CD70: variants seen among roughly 807,000 people sequenced by gnomAD.
The protein encoded by CD70 is CD70 antigen.
In CD70, 6 loss-of-function variants were observed where a neutral mutation model predicts 9.0. The ratio of observed to expected loss-of-function variants is 0.67; its 90% CI spans 0.37 to 1.32. The LOEUF is 1.32. Among genes scored for constraint, CD70 ranks in the 40% most tolerant of loss-of-function variants. CD70 has a pLI of 0.02. For missense variants in CD70, 235 were observed against 258.7 expected (o/e 0.91, Z 0.63); for synonymous variants, 108 against 112.3 (o/e 0.96, Z 0.24).
rs1455062023 is a variant in CD70, at chr19:6,590,557, C to T, written c.162+284G>A. 6.6e-6 allele frequency among the ~76,000 whole-genome samples: 1 copy of T among 152,150 alleles called. No homozygotes were observed. Among genetic ancestry groups the T allele is most frequent in the Non-Finnish European group, 1.5e-5 (1 of 68,002 alleles). On this transcript the variant is annotated intron_variant, in intron 1 of 2. Coordinates refer to ENST00000245903, the MANE Select transcript of CD70 (RefSeq NM_001252.5). The surrounding 1 kb of genome is among the most constrained non-coding windows in gnomAD (Gnocchi z 5.3). Reference sequence around the variant, plus strand: ...ACGCCCAGCCTTGTGAAGCCCCCAGCAGCCTCTGAGTCAGCCTGCCGGGGG... The same window carrying T: ...ACGCCCAGCCTTGTGAAGCCCCCAGTAGCCTCTGAGTCAGCCTGCCGGGGG...
At chr19:6,586,770 A>G (rs1916025982) in intron 2 of CD70, among the ~76,000 whole-genome samples, 1 of 151,940 alleles carries the variant, frequency 6.6e-6, no homozygotes, top group African/African-American at 2.4e-5. Flanking sequence ...ACTGCACTCC[A>G]GCCTTGGTCA....
rs1043874809 is a variant in CD70, at chr19:6,591,061, G to T, written c.-59C>A. 1.3e-5 allele frequency: 19 copies of T among 1,516,566 alleles called. No homozygotes were observed. Among genetic ancestry groups the T allele is most frequent in the Non-Finnish European group, 1.6e-5 (18 of 1,133,946 alleles). The allele number at this position is 1,516,566 out of a possible 1,614,324, so 93.9% of individuals were successfully genotyped here. ...GGCGATGGGGGCGCGGAGCGCTGCC[G>T]AGAAGGAAGGAAGGAAACTGCAGCC... On this transcript the variant is annotated 5_prime_UTR_variant, in exon 1 of 3. Transcript: ENST00000245903.
In CD70 at chr19:6,585,928, C is replaced by A. The variant is rs1916004681; in HGVS notation, c.*92G>T. 6.2e-6 allele frequency: 6 copies of A among 965,164 alleles called. No homozygotes were observed. The highest frequency in any genetic ancestry group is 2.7e-5 in the Admixed American group (1 of 36,366). 59.8% of individuals were successfully genotyped at this position (965,164 alleles called of 1,614,324 possible). A position where few individuals can be genotyped will look rare whatever the true frequency, so the allele number is the denominator to read the frequency against. ...CCACTACCCCCCACCACACTCCCAC[C>A]CCAACCCCGGGTGGCCCCTGTGTGT... On this transcript the variant is annotated 3_prime_UTR_variant, in exon 3 of 3. Transcript: ENST00000245903.
In CD70 at chr19:6,586,215, G is replaced by A. The variant is rs745377808; in HGVS notation, c.387C>T (p.Ala129=). 25 of 1,613,992 alleles carry A rather than the reference G, an allele frequency of 1.5e-5. No individual in the cohort carries two copies. Among genetic ancestry groups the A allele is most frequent in the Middle Eastern group, 1.6e-4 (1 of 6,076 alleles). Residue 129 remains alanine, a synonymous_variant, in exon 3 of 3, where the codon GCC becomes GCT. Transcript: ENST00000245903. ...GGGAGGCGGGAGAGCAGATTCCCACGGCCAGGGTGGTGGGGTGGTGCCTGG... is the reference window on the plus strand; with the variant it reads ...GGGAGGCGGGAGAGCAGATTCCCACAGCCAGGGTGGTGGGGTGGTGCCTGG... ...TASRHHPTTL[A]VGICSPASRS...
chr19:6,590,794 C>G lies in CD70; in HGVS notation c.162+47G>C. On this transcript the variant is annotated intron_variant, in intron 1 of 2. Coordinates refer to ENST00000245903, the MANE Select transcript of CD70 (RefSeq NM_001252.5). This position sits in a 1 kb window ranked among gnomAD's most constrained non-coding sequence, Gnocchi z 5.3. ...ACCCATCTCATTCTGTCTTTTCGGT[C>G]ACGCGCCTCTCTATGTTTTCTTCCC... 6.6e-7 allele frequency: 1 copy of G among 1,513,396 alleles called. No individual in the cohort carries two copies. Among genetic ancestry groups the G allele is most frequent in the Non-Finnish European group, 9.1e-7 (1 of 1,096,022 alleles). The allele number at this position is 1,513,396 out of a possible 1,614,324, so 93.7% of individuals were successfully genotyped here. A position where few individuals can be genotyped will look rare whatever the true frequency, so the allele number is the denominator to read the frequency against.
At chr19:6,588,966 T>A (rs1285984640) in intron 2 of CD70, among the ~76,000 whole-genome samples, 1 of 152,152 alleles carries the variant, frequency 6.6e-6, no homozygotes, top group Non-Finnish European at 1.5e-5. Flanking sequence ...AAGGGTAGCC[T>A]TTCCTGTGAG....
chr19:6,585,953 TAC>T lies in CD70; in HGVS notation c.*65_*66del. Reference sequence around the variant, plus strand: ...CCCAACCCCGGGTGGCCCCTGTGTGTACACTTTTTCTCTTGAACTTAAATAAA... The same window carrying T: ...CCCAACCCCGGGTGGCCCCTGTGTGTACTTTTTCTCTTGAACTTAAATAAA... On this transcript the variant is annotated 3_prime_UTR_variant, in exon 3 of 3. Transcript: ENST00000245903. 1 of 1,337,552 alleles carries T rather than the reference TAC, an allele frequency of 7.5e-7. No homozygotes were observed. The highest frequency in any genetic ancestry group is 1.0e-6 in the Non-Finnish European group (1 of 989,566). The allele number at this position is 1,337,552 out of a possible 1,614,324, so 82.9% of individuals were successfully genotyped here. A position where few individuals can be genotyped will look rare whatever the true frequency, so the allele number is the denominator to read the frequency against.
chr19:6,585,773 C>G, downstream of CD70: 1 of 415,752 alleles, frequency 2.4e-6, no homozygotes, highest in Non-Finnish European at 4.3e-6. Flanking sequence ...CTCCTCGGTT[C>G]AAGCGATTCT....
rs1916130908 is a variant in CD70 at position 6,590,369 on chromosome 19, G to GA, written c.163-234_163-233insT. 6.6e-6 allele frequency among the ~76,000 whole-genome samples: 1 copy of GA among 152,172 alleles called. No homozygotes were observed. Among genetic ancestry groups the GA allele is most frequent in the Admixed American group, 6.5e-5 (1 of 15,286 alleles). On this transcript the variant is annotated intron_variant, in intron 1 of 2. Coordinates refer to ENST00000245903, the MANE Select transcript of CD70 (RefSeq NM_001252.5). This position sits in a 1 kb window ranked among gnomAD's most constrained non-coding sequence, Gnocchi z 5.3. Reference sequence around the variant, plus strand: ...TCGAGACCTTCAAAAGAACTTCTTCGTTTCCCGAATCGTTTTCCTGGATGT... The same window carrying GA: ...TCGAGACCTTCAAAAGAACTTCTTCGATTTCCCGAATCGTTTTCCTGGATGT...
chr19:6,583,266 G>GCTA, downstream of CD70: 2 of 652,324 alleles, frequency 3.1e-6, no homozygotes, highest in South Asian at 3.4e-5. Flanking sequence ...TGAGGTTCCA[G>GCTA]CTGTTACAAA....
Position 6,590,766 on chromosome 19 carries a change from T to G in CD70, c.162+75A>C. The G allele has an allele frequency of 7.6e-7, 1 of 1,318,156 alleles. No homozygotes were observed. The highest frequency in any genetic ancestry group is 1.4e-5 in the African/African-American group (1 of 69,452). The allele number at this position is 1,318,156 out of a possible 1,614,324, so 81.7% of individuals were successfully genotyped here. On this transcript the variant is annotated intron_variant, in intron 1 of 2. Transcript: ENST00000245903. The surrounding 1 kb of genome is among the most constrained non-coding windows in gnomAD (Gnocchi z 5.3). Reference sequence around the variant, plus strand: ...ACCAGATCTTCCTCTCTGGCCTCTTTGTACCCATCTCATTCTGTCTTTTCG... The same window carrying G: ...ACCAGATCTTCCTCTCTGGCCTCTTGGTACCCATCTCATTCTGTCTTTTCG...
chr19:6,586,333 T>C lies in CD70; in HGVS notation c.269A>G (p.Glu90Gly), dbSNP rs755538200. The change falls in exon 3 of 3, where the codon GAG (glutamate) becomes GGG (glycine). Residue 90 changes from glutamate (E) to glycine (G), a missense_variant. Glu to Gly is a moderately conservative substitution (Grantham distance 98). Transcript: ENST00000245903. Reference sequence around the variant, plus strand: ...GATACGTAGCTGCCCCTTGTCCAGCTCTGGTCCATGCAGGAAGGAGCGGCC... The same window carrying C: ...GATACGTAGCTGCCCCTTGTCCAGCCCTGGTCCATGCAGGAAGGAGCGGCC... ...ALGRSFLHGP[E>G]LDKGQLRIHR... The C allele has an allele frequency of 1.9e-6, 3 of 1,613,388 alleles. No individual in the cohort carries two copies. The East Asian group carries it at 6.7e-5, about 36-fold the overall frequency.
chr19:6,587,172 G>A (rs1916041316), intron 2 of CD70, among the ~76,000 whole-genome samples: 1 of 142,844 alleles, frequency 7.0e-6, no homozygotes, highest in African/African-American at 2.6e-5. Context: ...GAGACAGCAT[G>A]AGAGAGAGAG....
chr19:6,587,553 C>T (rs1049474234), intron 2 of CD70, among the ~76,000 whole-genome samples: 1 of 152,076 alleles, frequency 6.6e-6, no homozygotes. Flanking sequence ...AGAGAGTGCA[C>T]GAGAGAATTC....
Position 6,586,120 on chromosome 19 carries a change from A to T in CD70, c.482T>A (p.Leu161Gln). The change falls in exon 3 of 3, where the codon CTG becomes CAG. Residue 161 changes from leucine to glutamine, a missense_variant. Transcript: ENST00000245903. ...GGTGCAGAGTGTGTCCCCTCGGGCC[A>T]GGGGCGTCAGGCGCTGGGAGGCAAT... ...CTIASQRLTP[L>Q]ARGDTLCTNL... 1 of 1,614,120 alleles carries T rather than the reference A, an allele frequency of 6.2e-7. No individual in the cohort carries two copies. The highest frequency in any genetic ancestry group is 8.5e-7 in the Non-Finnish European group (1 of 1,179,984).
chr19:6,581,941 C>G (rs970517431), downstream of CD70, among the ~76,000 whole-genome samples: 1 of 151,628 alleles, frequency 6.6e-6, no homozygotes, highest in African/African-American at 2.4e-5. Context: ...GGGGTACAGG[C>G]GTTGGATATA....
intron 2 of CD70, among the ~76,000 whole-genome samples, chr19:6,588,850 A>C (rs1013374460): frequency 1.3e-5 from 2 of 152,150 alleles, no homozygotes; most frequent in Non-Finnish European, 2.9e-5. Flanking sequence ...AGTAGAAGGG[A>C]AGCTCACCAG....
intron 2 of CD70, among the ~76,000 whole-genome samples, chr19:6,588,611 G>C (rs1916079875): frequency 6.6e-6 from 1 of 151,984 alleles, no homozygotes; most frequent in Admixed American, 6.6e-5. Context: ...TCTCCCTCAA[G>C]GCTTCTTGCC....
chr19:6,584,118 A>G (rs1915971433), downstream of CD70, among the ~76,000 whole-genome samples: 1 of 143,124 alleles, frequency 7.0e-6, no homozygotes, highest in African/African-American at 2.5e-5. Context: ...TATCCCACTT[A>G]GTGTGAATGT....
Sources: allele counts gnomAD v4.1 joint callset (sites outside exome capture counted in the v4.1 genomes callset), GRCh38; gene constraint gnomAD v4.1.1; non-coding constraint Gnocchi (gnomAD v3.1); transcripts MANE v1.5; gene names NCBI Gene and HGNC (gene_info 2026-07-23, HGNC 2026-07-21).